CNTNAP2: variants seen among roughly 807,000 people sequenced by gnomAD.
The protein encoded by CNTNAP2 is contactin-associated protein-like 2.
Under a neutral mutation model 155.2 loss-of-function variants are expected in CNTNAP2, and 98 were observed. That is an observed-to-expected ratio of 0.63 (90% CI 0.54 to 0.75). CNTNAP2 has a LOEUF of 0.75. CNTNAP2 is among the 30% of genes least tolerant of loss of function. The pLI, the probability that CNTNAP2 is intolerant of heterozygous loss-of-function variation, is 0.00. For synonymous variants in CNTNAP2, 651 were observed against 631.2 expected (o/e 1.03, Z -0.47); for missense variants, 1,727 against 1,688.1 (o/e 1.02, Z -0.40).
chr7:147,484,785 G>T (rs1340066137), intron 10 of CNTNAP2, among the ~76,000 whole-genome samples: 1 of 152,166 alleles, frequency 6.6e-6, no homozygotes, highest in African/African-American at 2.4e-5. Context: ...AGCTGCTAGG[G>T]CATTATGATA....
At chr7:147,177,473 T>C (rs958869924) in intron 8 of CNTNAP2, among the ~76,000 whole-genome samples, 2 of 152,152 alleles carry the variant, frequency 1.3e-5, no homozygotes, top group African/African-American at 4.8e-5. Context: ...CATGCAGAAC[T>C]GTGAGTCCAT....
At chr7:147,312,103 T>A (rs1393018075) in intron 9 of CNTNAP2, among the ~76,000 whole-genome samples, 1 of 152,134 alleles carries the variant, frequency 6.6e-6, no homozygotes, top group East Asian at 1.9e-4. Flanking sequence ...TTTGGTTTAC[T>A]CACGTAGTAA....
intron 9 of CNTNAP2, among the ~76,000 whole-genome samples, chr7:147,388,852 T>C (rs1253621946): frequency 2.6e-5 from 4 of 152,200 alleles, no homozygotes; most frequent in Non-Finnish European, 4.4e-5. Context: ...AGTGCTGAGA[T>C]TACAGGCGTG....
chr7:147,152,167 G>A (rs570706642), intron 8 of CNTNAP2, among the ~76,000 whole-genome samples: 2 of 152,020 alleles, frequency 1.3e-5, no homozygotes. Flanking sequence ...GATTAAATCT[G>A]CTTCTGGAAA....
chr7:146,852,005 G>A (rs1459992023), intron 3 of CNTNAP2, among the ~76,000 whole-genome samples: 1 of 151,788 alleles, frequency 6.6e-6, no homozygotes, highest in African/African-American at 2.4e-5. Context: ...ATTTTATATG[G>A]CATTCATTTT....
At chr7:148,004,434 A>G (rs532960129) in intron 15 of CNTNAP2, among the ~76,000 whole-genome samples, 2 of 152,352 alleles carry the variant, frequency 1.3e-5, no homozygotes, top group East Asian at 1.9e-4. Context: ...GAAAAGCTCA[A>G]TTATGTGAAC....
At chr7:147,231,926 G>A (rs1803689415) in intron 8 of CNTNAP2, among the ~76,000 whole-genome samples, 2 of 152,078 alleles carry the variant, frequency 1.3e-5, no homozygotes, top group Non-Finnish European at 2.9e-5. Context: ...GATTTTTGCT[G>A]TGTGGATACT....
chr7:147,231,374 T>G (rs965326401), intron 8 of CNTNAP2, among the ~76,000 whole-genome samples: 1 of 152,262 alleles, frequency 6.6e-6, no homozygotes, highest in Non-Finnish European at 1.5e-5. Context: ...TTGGCTCTTG[T>G]GAATAATGTG....
At chr7:146,822,496 A>G (rs2129196515) in intron 2 of CNTNAP2, among the ~76,000 whole-genome samples, 1 of 151,530 alleles carries the variant, frequency 6.6e-6, no homozygotes, top group Admixed American at 6.6e-5. Flanking sequence ...TTAAAAAAAA[A>G]AAACTCAGAC....
intron 11 of CNTNAP2, among the ~76,000 whole-genome samples, chr7:147,552,489 T>C (rs1799869771): frequency 6.6e-6 from 1 of 152,066 alleles, no homozygotes. Context: ...AATTTAAAAA[T>C]CTGATTTTTC....
chr7:147,606,650 G>C (rs1801069368), intron 12 of CNTNAP2, among the ~76,000 whole-genome samples: 3 of 152,164 alleles, frequency 2.0e-5, no homozygotes, highest in African/African-American at 7.2e-5. Flanking sequence ...CACCCATAGG[G>C]ACCTTAACAG....
At chr7:148,321,460 A>T (rs1366385618) in intron 21 of CNTNAP2, among the ~76,000 whole-genome samples, 2 of 152,228 alleles carry the variant, frequency 1.3e-5, no homozygotes, top group African/African-American at 4.8e-5. Flanking sequence ...TTTCCAAAGC[A>T]GAAGAAGACG....
At chr7:146,962,542 TTTTG>T (rs931373434) in intron 3 of CNTNAP2, among the ~76,000 whole-genome samples, 29 of 152,222 alleles carry the variant, frequency 1.9e-4, no homozygotes, top group Admixed American at 1.4e-3. Flanking sequence ...AACATAGTTT[TTTTG>T]TTTGTTTGTT....
At chr7:146,120,623 A>G (rs1314612383) in intron 1 of CNTNAP2, among the ~76,000 whole-genome samples, 10 of 152,304 alleles carry the variant, frequency 6.6e-5, no homozygotes, top group South Asian at 2.1e-4. Context: ...TTTCAGTTCA[A>G]TGATGGACCA....
intron 8 of CNTNAP2, among the ~76,000 whole-genome samples, chr7:147,208,220 G>A (rs1448923144): frequency 6.6e-6 from 1 of 151,890 alleles, no homozygotes; most frequent in African/African-American, 2.4e-5. Flanking sequence ...GTGTTTTCCA[G>A]GTCTCTCTCT....
rs565192864 is a variant in CNTNAP2 at position 147,510,997 on chromosome 7, A to C, written c.1777+24956A>C. On this transcript the variant is annotated intron_variant, in intron 11 of 23. Transcript: ENST00000361727. ...TTTCCTCTAAATCAGTGATTCTTAA[A>C]TTATATTTTATTTGATGATCTCATG... Among the ~76,000 whole-genome samples, 118 of 151,196 alleles carry C rather than the reference A, an allele frequency of 7.8e-4. 1 individual carries two copies. In the Middle Eastern group the frequency reaches 0.01, roughly 13 times the overall value.
intron 1 of CNTNAP2, among the ~76,000 whole-genome samples, chr7:146,197,640 T>TC (rs1247254457): frequency 6.6e-6 from 1 of 152,188 alleles, no homozygotes; most frequent in African/African-American, 2.4e-5. Flanking sequence ...ATTTAATCAT[T>TC]CAATTGTTCT....
chr7:147,820,608 A>C (rs1458940809), intron 13 of CNTNAP2, among the ~76,000 whole-genome samples: 3 of 152,114 alleles, frequency 2.0e-5, no homozygotes, highest in Admixed American at 6.6e-5. Context: ...CATAAAAAAT[A>C]TTCTCCTATG....
At chr7:147,517,988 G>A (rs1036195244) in intron 11 of CNTNAP2, among the ~76,000 whole-genome samples, 3 of 152,126 alleles carry the variant, frequency 2.0e-5, no homozygotes, top group Non-Finnish European at 2.9e-5. Flanking sequence ...TTGGAGTGCA[G>A]TGGCGTGATC....
Sources: gnomAD v4.1 joint callset for allele counts (sites outside exome capture counted in the v4.1 genomes callset) on GRCh38, gnomAD v4.1.1 for gene constraint, MANE v1.5 for transcripts, NCBI Gene and HGNC (gene_info 2026-07-23, HGNC 2026-07-21) for gene names.